CDC42EP3: variants seen among roughly 807,000 people sequenced by gnomAD.
CDC42EP3 encodes the protein CDC42 effector protein 3.
In CDC42EP3, 4 loss-of-function variants were observed where a neutral mutation model predicts 15.5. The ratio of observed to expected loss-of-function variants is 0.26; its 90% confidence interval spans 0.13 to 0.59. CDC42EP3 has a LOEUF of 0.59. CDC42EP3 is among the 20% of genes least tolerant of loss of function. CDC42EP3 has a pLI of 0.89. For missense variants in CDC42EP3, 309 were observed against 311.2 expected (o/e 0.99, Z 0.05); for synonymous variants, 145 against 130.3 (o/e 1.11, Z -0.77).
At chr2:37,667,922 C>T (rs1383073946) in intron 1 of CDC42EP3, among the ~76,000 whole-genome samples, 2 of 152,210 alleles carry the variant, frequency 1.3e-5, no homozygotes, top group East Asian at 1.9e-4. Context: ...CCTGTGTTCT[C>T]ATCTGGAAAA....
chr2:37,651,478 C>T (rs552246185), intron 1 of CDC42EP3, among the ~76,000 whole-genome samples: 1 of 152,286 alleles, frequency 6.6e-6, no homozygotes, highest in African/African-American at 2.4e-5. Flanking sequence ...TGTCTAAAAG[C>T]AGCATCTGCA....
chr2:37,655,759 G>C (rs966090652), intron 1 of CDC42EP3, among the ~76,000 whole-genome samples: 1 of 152,168 alleles, frequency 6.6e-6, no homozygotes, highest in Non-Finnish European at 1.5e-5. Flanking sequence ...ATGCTGCAAG[G>C]ACAATATCAA....
upstream of CDC42EP3, chr2:37,671,998 T>C (rs1666447994): frequency 6.6e-6 from 1 of 152,002 alleles, no homozygotes; most frequent in East Asian, 1.9e-4. Flanking sequence ...GCCGCCCGGG[T>C]GCACGGGGAC....
At chr2:37,664,762 G>C (rs1666200421) in intron 1 of CDC42EP3, among the ~76,000 whole-genome samples, 1 of 152,204 alleles carries the variant, frequency 6.6e-6, no homozygotes, top group Non-Finnish European at 1.5e-5. Flanking sequence ...GCGTCAATCA[G>C]GAACATGGAT....
At chr2:37,658,694 G>C (rs866904910) in intron 1 of CDC42EP3, among the ~76,000 whole-genome samples, 9 of 151,980 alleles carry the variant, frequency 5.9e-5, no homozygotes, top group Admixed American at 3.9e-4. Context: ...ACTTCTCCCC[G>C]CCTCCATCTC....
chr2:37,660,045 CA>C (rs1666007861), intron 1 of CDC42EP3, among the ~76,000 whole-genome samples: 1 of 152,162 alleles, frequency 6.6e-6, no homozygotes, highest in Non-Finnish European at 1.5e-5. Context: ...ATAATCATCC[CA>C]AACTTTATAA....
At chr2:37,658,118 T>G (rs775342861) in intron 1 of CDC42EP3, among the ~76,000 whole-genome samples, 12 of 152,090 alleles carry the variant, frequency 7.9e-5, no homozygotes, top group Non-Finnish European at 1.8e-4. Context: ...TCCTCAACAA[T>G]TCCCCCGGCA....
chr2:37,644,007 T>TTTTA lies in CDC42EP3; in HGVS notation c.*1812_*1815dup, dbSNP rs1665359694. On this transcript the variant is annotated 3_prime_UTR_variant, in exon 2 of 2. Coordinates refer to ENST00000295324, the MANE Select transcript of CDC42EP3 (RefSeq NM_006449.5). Reference sequence around the variant, plus strand: ...TTTTTTTTTTTTTGCAATTTTCTATTTTTATTTTTTTAAGCTCATCAACTA... The same window carrying TTTTA: ...TTTTTTTTTTTTTGCAATTTTCTATTTTTATTTATTTTTTTAAGCTCATCAACTA... 2 of 151,868 alleles carry TTTTA rather than the reference T, an allele frequency of 1.3e-5. No individual in the cohort carries two copies. The highest frequency in any genetic ancestry group is 4.8e-5 in the African/African-American group (2 of 41,306). 9.4% of individuals were successfully genotyped at this position (151,868 alleles called of 1,614,324 possible).
intron 1 of CDC42EP3, among the ~76,000 whole-genome samples, chr2:37,655,438 C>T (rs1389899518): frequency 6.6e-6 from 1 of 152,196 alleles, no homozygotes; most frequent in East Asian, 1.9e-4. Context: ...AATTGGAAGA[C>T]AGAAGGTCCA....
chr2:37,657,959 A>G (rs1665931863), intron 1 of CDC42EP3, among the ~76,000 whole-genome samples: 1 of 152,198 alleles, frequency 6.6e-6, no homozygotes, highest in South Asian at 2.1e-4. Context: ...CTTTTGCTCT[A>G]TCAGGTCAGA....
chr2:37,653,583 A>T (rs1205622565), intron 1 of CDC42EP3, among the ~76,000 whole-genome samples: 1 of 152,206 alleles, frequency 6.6e-6, no homozygotes, highest in East Asian at 1.9e-4. Flanking sequence ...AAGCGGTTTT[A>T]AAAAATGACA....
intron 1 of CDC42EP3, among the ~76,000 whole-genome samples, chr2:37,664,828 C>T (rs1180104294): frequency 2.0e-5 from 3 of 152,008 alleles, no homozygotes; most frequent in East Asian, 1.9e-4. Context: ...AACCAAATAC[C>T]GCATGTGCTC....
chr2:37,651,710 A>T (rs1308466418), intron 1 of CDC42EP3, among the ~76,000 whole-genome samples: 2 of 152,190 alleles, frequency 1.3e-5, no homozygotes, highest in Non-Finnish European at 2.9e-5. Flanking sequence ...ATGCAGGAGG[A>T]GCTGCTGGCC....
intron 1 of CDC42EP3, among the ~76,000 whole-genome samples, chr2:37,659,978 T>C (rs931240378): frequency 5.3e-5 from 8 of 152,198 alleles, no homozygotes; most frequent in African/African-American, 1.9e-4. Context: ...GAGCCAGCCC[T>C]GTAAGACGCA....
At chr2:37,672,751 G>C (rs1240950682), upstream of CDC42EP3, among the ~76,000 whole-genome samples, 1 of 152,198 alleles carries the variant, frequency 6.6e-6, no homozygotes, top group African/African-American at 2.4e-5. Flanking sequence ...GGAGTCGGAC[G>C]CTGGGGGCCT....
chr2:37,659,917 A>C lies in CDC42EP3; in HGVS notation c.-236+11509T>G, dbSNP rs546814738. Among the ~76,000 whole-genome samples, 73 of 152,374 alleles carry C rather than the reference A, an allele frequency of 4.8e-4. 1 individual carries two copies. Among genetic ancestry groups the C allele is most frequent in the African/African-American group, 1.7e-3 (71 of 41,596 alleles). On this transcript the variant is annotated intron_variant, in intron 1 of 1. Transcript: ENST00000295324. ...GACTGTACGGGCCAACGAAACTGCT[A>C]TCTCACTGCTGTTCCTGGCCTGAGC...
chr2:37,663,211 C>A lies in CDC42EP3; in HGVS notation c.-236+8215G>T, dbSNP rs993217326. Among the ~76,000 whole-genome samples the A allele has an allele frequency of 3.3e-5, 5 of 152,164 alleles. No individual in the cohort carries two copies. The South Asian group carries it at 6.2e-4, about 19-fold the overall frequency. On this transcript the variant is annotated intron_variant, in intron 1 of 1. Coordinates refer to ENST00000295324, the MANE Select transcript of CDC42EP3 (RefSeq NM_006449.5). ...AAACAAAACAAAAAAAACAAACCAA[C>A]CTTCCATGTGCCTCCCCAGCCCCTG...
intron 1 of CDC42EP3, among the ~76,000 whole-genome samples, chr2:37,664,850 G>T (rs1666202695): frequency 6.6e-6 from 1 of 152,084 alleles, no homozygotes; most frequent in African/African-American, 2.4e-5. Flanking sequence ...CTTGTAAGTG[G>T]GAGCTAAATG....
chr2:37,654,764 G>C (rs1377447679), intron 1 of CDC42EP3, among the ~76,000 whole-genome samples: 1 of 152,168 alleles, frequency 6.6e-6, no homozygotes, highest in African/African-American at 2.4e-5. Flanking sequence ...CTTTCTCTTT[G>C]AACACGGCAG....
Sources: allele counts gnomAD v4.1 joint callset (sites outside exome capture counted in the v4.1 genomes callset), GRCh38; gene constraint gnomAD v4.1.1; transcripts MANE v1.5; gene names NCBI Gene and HGNC (gene_info 2026-07-23, HGNC 2026-07-21).